The following LRMDA variants were observed in gnomAD, a reference collection of about 807,000 sequenced individuals.
The protein encoded by LRMDA is leucine rich melanocyte differentiation associated.
In LRMDA, 18 loss-of-function variants were observed where a neutral mutation model predicts 29.8. That is an observed-to-expected ratio of 0.60 (90% CI 0.42 to 0.90). The LOEUF (loss-of-function observed/expected upper bound fraction) is 0.90, where lower values mean the gene tolerates loss of function less well. LRMDA is among the 40% of genes least tolerant of loss of function. The pLI, the probability that LRMDA is intolerant of heterozygous loss-of-function variation, is 0.00. For synonymous variants in LRMDA, 125 were observed against 109.4 expected, an observed-to-expected ratio of 1.14 and a Z score of -0.89; for missense variants, 273 against 273.9, an observed-to-expected ratio of 1.00 and a Z score of 0.02.
intron 5 of LRMDA, among the ~76,000 whole-genome samples, chr10:76,308,423 G>A (rs1840586900): frequency 6.6e-6 from 1 of 152,134 alleles, no homozygotes; most frequent in Admixed American, 6.6e-5. Context: ...GAGCCACATG[G>A]TGGCTGTTCA....
intron 2 of LRMDA, among the ~76,000 whole-genome samples, chr10:75,753,371 T>C (rs1429019065): frequency 6.6e-6 from 1 of 152,144 alleles, no homozygotes; most frequent in Non-Finnish European, 1.5e-5. Flanking sequence ...TTCCTATGGT[T>C]CTAATAAAAC....
intron 2 of LRMDA, among the ~76,000 whole-genome samples, chr10:75,977,461 A>T (rs569283077): frequency 6.6e-6 from 1 of 152,272 alleles, no homozygotes; most frequent in South Asian, 2.1e-4. Context: ...TGGGGAGCTG[A>T]GTCGAATTCC....
At chr10:76,383,714 G>A (rs1841624439) in intron 6 of LRMDA, among the ~76,000 whole-genome samples, 1 of 152,040 alleles carries the variant, frequency 6.6e-6, no homozygotes, top group Admixed American at 6.5e-5. Context: ...ACAGGCGTGA[G>A]CCACCGCGCC....
At chr10:75,938,505 G>A (rs542310118) in intron 2 of LRMDA, among the ~76,000 whole-genome samples, 1 of 152,280 alleles carries the variant, frequency 6.6e-6, no homozygotes, top group African/African-American at 2.4e-5. Flanking sequence ...CTCATCATGG[G>A]CAATGTGGGA....
chr10:75,554,002 T>C (rs1388178420), intron 2 of LRMDA, among the ~76,000 whole-genome samples: 3 of 152,188 alleles, frequency 2.0e-5, no homozygotes, highest in African/African-American at 7.2e-5. Flanking sequence ...TTTTATTTAC[T>C]TTTTTGATGG....
At chr10:75,432,928 C>T (rs1844218859) in intron 1 of LRMDA, among the ~76,000 whole-genome samples, 1 of 152,154 alleles carries the variant, frequency 6.6e-6, no homozygotes, top group South Asian at 2.1e-4. Flanking sequence ...TCTCTGTGCA[C>T]CCCCCATTTA....
intron 2 of LRMDA, among the ~76,000 whole-genome samples, chr10:75,723,169 T>G (rs971668099): frequency 1.3e-5 from 2 of 152,362 alleles, no homozygotes; most frequent in East Asian, 3.9e-4. Flanking sequence ...GAAGGTTAGA[T>G]CTTCAGCCTG....
rs1459442138 is a variant in LRMDA at position 76,363,176 on chromosome 10, A to AGAAAGAAAGAAAGAAAGAAGGGAGGGAG, written c.601+38692_601+38693insAAAGAAAGAAAGAAAGAAGGGAGGGAGG. 2.3e-4 allele frequency among the ~76,000 whole-genome samples: 5 copies of AGAAAGAAAGAAAGAAAGAAGGGAGGGAG among 21,750 alleles called. 1 individual carries two copies. Among genetic ancestry groups the AGAAAGAAAGAAAGAAAGAAGGGAGGGAG allele is most frequent in the African/African-American group, 7.3e-4 (5 of 6,874 alleles). 14.3% of individuals were successfully genotyped at this position (21,750 alleles called of 152,430 possible). A position where few individuals can be genotyped will look rare whatever the true frequency, so the allele number is the denominator to read the frequency against. ...AAGAAAGAAAGAAAGAAAGAAAGAAAGGAGGGAGGGAGGGAGGGAGGGAGG... is the reference window on the plus strand; with the variant it reads ...AAGAAAGAAAGAAAGAAAGAAAGAAAGAAAGAAAGAAAGAAAGAAGGGAGGGAGGGAGGGAGGGAGGGAGGGAGGGAGG... On this transcript the variant is annotated intron_variant, in intron 6 of 6. Transcript: ENST00000611255.
intron 2 of LRMDA, among the ~76,000 whole-genome samples, chr10:75,948,540 C>T (rs1336961498): frequency 3.3e-5 from 5 of 152,120 alleles, no homozygotes; most frequent in East Asian, 1.9e-4. Flanking sequence ...CTGCCTGTTA[C>T]GTCCATCAGG....
At chr10:75,524,390 T>G (rs1845392418) in intron 2 of LRMDA, among the ~76,000 whole-genome samples, 1 of 152,170 alleles carries the variant, frequency 6.6e-6, no homozygotes, top group Admixed American at 6.5e-5. Context: ...GGTCTTGGGG[T>G]TACTCATCTG....
At chr10:75,633,341 CGTT>C (rs953240421) in intron 2 of LRMDA, among the ~76,000 whole-genome samples, 1 of 152,162 alleles carries the variant, frequency 6.6e-6, no homozygotes, top group Non-Finnish European at 1.5e-5. Flanking sequence ...TAAGTGAAGA[CGTT>C]GTTACTGCAG....
At chr10:76,271,921 G>T (rs1336906160) in intron 5 of LRMDA, among the ~76,000 whole-genome samples, 3 of 152,170 alleles carry the variant, frequency 2.0e-5, no homozygotes, top group African/African-American at 7.2e-5. Flanking sequence ...CAGCCTTGGG[G>T]AATGAAAGAG....
intron 2 of LRMDA, among the ~76,000 whole-genome samples, chr10:75,495,174 G>T (rs1291227228): frequency 6.6e-6 from 1 of 152,090 alleles, no homozygotes; most frequent in African/African-American, 2.4e-5. Flanking sequence ...ATTGGGGTAG[G>T]CCACCTGTAG....
chr10:75,997,768 G>A (rs1847495471), intron 2 of LRMDA, among the ~76,000 whole-genome samples: 1 of 152,200 alleles, frequency 6.6e-6, no homozygotes, highest in African/African-American at 2.4e-5. Context: ...AGGTTACAGT[G>A]TGGCCATTGT....
chr10:75,548,995 A>T (rs1048858090), intron 2 of LRMDA, among the ~76,000 whole-genome samples: 1 of 152,128 alleles, frequency 6.6e-6, no homozygotes, highest in Non-Finnish European at 1.5e-5. Flanking sequence ...CTGTATATCC[A>T]CTGTTTCTGC....
chr10:75,491,797 G>A (rs1688518169), intron 2 of LRMDA, among the ~76,000 whole-genome samples: 3 of 152,128 alleles, frequency 2.0e-5, no homozygotes, highest in Admixed American at 2.0e-4. Context: ...GCCTCCCTTT[G>A]TTCCTTGGAA....
intron 5 of LRMDA, among the ~76,000 whole-genome samples, chr10:76,305,140 C>T (rs1334563600): frequency 6.6e-6 from 1 of 152,158 alleles, no homozygotes; most frequent in Non-Finnish European, 1.5e-5. Context: ...TGTGCAAGTG[C>T]ACTTGCAGGA....
chr10:76,213,018 T>G (rs886939985), intron 5 of LRMDA, among the ~76,000 whole-genome samples: 1 of 152,228 alleles, frequency 6.6e-6, no homozygotes, highest in Non-Finnish European at 1.5e-5. Context: ...AGAAGATGGA[T>G]CACCATTTTG....
chr10:76,208,759 A>G (rs1262281996), intron 5 of LRMDA, among the ~76,000 whole-genome samples: 1 of 152,076 alleles, frequency 6.6e-6, no homozygotes, highest in East Asian at 1.9e-4. Flanking sequence ...GTGCCTATCC[A>G]GACCACCAAT....
Sources: allele counts gnomAD v4.1 joint callset (sites outside exome capture counted in the v4.1 genomes callset), GRCh38; gene constraint gnomAD v4.1.1; transcripts MANE v1.5; gene names NCBI Gene and HGNC (gene_info 2026-07-23, HGNC 2026-07-21).